Variants in ACSM3 observed in about 807,000 individuals in gnomAD.
The protein encoded by ACSM3 is acyl-coenzyme A synthetase ACSM3, mitochondrial.
ACSM3 carries 61 observed loss-of-function variants against 74.1 expected under a neutral mutation model. That is an observed-to-expected ratio of 0.82 (90% CI 0.67 to 1.02). ACSM3 has a LOEUF of 1.02. Ranked by LOEUF, ACSM3 falls within the 50% of genes least tolerant of loss-of-function variation. ACSM3 has a pLI of 0.00. For missense variants in ACSM3, 660 were observed against 697.0 expected, an observed-to-expected ratio of 0.95 and a Z score of 0.60; for synonymous variants, 213 against 241.5, an observed-to-expected ratio of 0.88 and a Z score of 1.09.
chr16:20,722,263 T>C (rs1009334799), intron 1 of ACSM3: 51 of 152,220 alleles, frequency 3.4e-4, no homozygotes, highest in African/African-American at 1.2e-3. Flanking sequence ...GCTGTTGTGA[T>C]AGTGGAAGAA....
chr16:20,741,688 C>T (rs1470755438), intron 1 of ACSM3: 2 of 1,581,516 alleles, frequency 1.3e-6, no homozygotes, highest in Admixed American at 1.8e-5. Context: ...TGAGCCTTGC[C>T]TTTGCGCTTC....
At chr16:20,705,374 GAA>G (rs35941652) in intron 1 of ACSM3, among the ~76,000 whole-genome samples, 3 of 123,912 alleles carry the variant, frequency 2.4e-5, no homozygotes, top group Admixed American at 8.1e-5. Context: ...CTCCGTCTCA[GAA>G]AAAAAAAAAA....
At chr16:20,687,324 G>C (rs953363760) in intron 1 of ACSM3, among the ~76,000 whole-genome samples, 1 of 152,238 alleles carries the variant, frequency 6.6e-6, no homozygotes, top group South Asian at 2.1e-4. Context: ...GCAAGGAAGA[G>C]ACTTTTAGGG....
intron 1 of ACSM3, among the ~76,000 whole-genome samples, chr16:20,699,041 A>C (rs2079705149): frequency 6.6e-6 from 1 of 152,170 alleles, no homozygotes; most frequent in African/African-American, 2.4e-5. Flanking sequence ...TCTTGAGCTT[A>C]ATTAAGTCCA....
chr16:20,674,420 T>C (rs1742482204), upstream of ACSM3: 2 of 198,744 alleles, frequency 1.0e-5, no homozygotes, highest in African/African-American at 2.4e-5. Flanking sequence ...TTCTGTAATA[T>C]GCTTCCCCCT....
upstream of ACSM3, among the ~76,000 whole-genome samples, chr16:20,759,654 G>C (rs2080060816): frequency 6.6e-6 from 1 of 151,824 alleles, no homozygotes; most frequent in South Asian, 2.1e-4. Flanking sequence ...GTGAGGACAT[G>C]GAAGCTCTGT....
chr16:20,743,138 C>G (rs1012626154), intron 1 of ACSM3, among the ~76,000 whole-genome samples: 3 of 151,942 alleles, frequency 2.0e-5, no homozygotes, highest in Non-Finnish European at 4.4e-5. Flanking sequence ...CGGGGTTTTA[C>G]CGTGTCAGTC....
chr16:20,785,802 C>G (rs988656435), intron 8 of ACSM3, among the ~76,000 whole-genome samples: 7 of 152,088 alleles, frequency 4.6e-5, no homozygotes, highest in African/African-American at 1.4e-4. Flanking sequence ...AATTCATTAA[C>G]TAGAAATAGC....
At chr16:20,728,154 C>T in intron 1 of ACSM3, 3 of 282,310 alleles carry the variant, frequency 1.1e-5, no homozygotes, top group Non-Finnish European at 2.2e-5. Flanking sequence ...AAAGTTTGTC[C>T]TCTCAATGGG....
rs58558409 is a variant in ACSM3 at position 20,779,771 on chromosome 16, CTTTT to C, written c.639-928_639-925del. On this transcript the variant is annotated intron_variant, in intron 4 of 13. Coordinates refer to ENST00000289416, the MANE Select transcript of ACSM3 (RefSeq NM_005622.4). Reference sequence around the variant, plus strand: ...AAGCCAACCTTTCACGGTCAGCAAACTTTTTTTTTTTTTTTTTTGAGACAGAGTC... The same window carrying C: ...AAGCCAACCTTTCACGGTCAGCAAACTTTTTTTTTTTTTTGAGACAGAGTC... 3.6e-4 allele frequency: 51 copies of C among 141,636 alleles called. No homozygotes were observed. In the South Asian group the frequency reaches 3.8e-3, roughly 11 times the overall value. 8.8% of individuals were successfully genotyped at this position (141,636 alleles called of 1,614,324 possible). A position where few individuals can be genotyped will look rare whatever the true frequency, so the allele number is the denominator to read the frequency against.
intron 1 of ACSM3, among the ~76,000 whole-genome samples, chr16:20,708,695 C>T (rs969382562): frequency 3.3e-5 from 5 of 152,098 alleles, no homozygotes; most frequent in African/African-American, 9.7e-5. Flanking sequence ...TATTATTCAG[C>T]GTGATCTATG....
intron 7 of ACSM3, among the ~76,000 whole-genome samples, chr16:20,782,021 A>T (rs1407208734): frequency 6.6e-6 from 1 of 152,170 alleles, no homozygotes. Context: ...TTATAGCTCT[A>T]AGCCCAGTGG....
chr16:20,773,633 T>C (rs1312566619), intron 2 of ACSM3, among the ~76,000 whole-genome samples: 1 of 152,178 alleles, frequency 6.6e-6, no homozygotes, highest in East Asian at 1.9e-4. Flanking sequence ...TTCAGGAGCA[T>C]GTTGTTTAAT....
chr16:20,691,200 C>A, intron 1 of ACSM3: 2 of 1,550,666 alleles, frequency 1.3e-6, no homozygotes, highest in South Asian at 2.5e-5. Context: ...GTGAAACAGT[C>A]CTCAGAAACC....
intron 7 of ACSM3, among the ~76,000 whole-genome samples, chr16:20,782,514 G>T (rs951941502): frequency 2.6e-5 from 4 of 152,106 alleles, no homozygotes; most frequent in African/African-American, 9.7e-5. Context: ...AATACTCTGG[G>T]TCTCCAGATG....
intron 1 of ACSM3, among the ~76,000 whole-genome samples, chr16:20,708,946 G>T (rs1167603128): frequency 6.6e-6 from 1 of 152,212 alleles, no homozygotes; most frequent in African/African-American, 2.4e-5. Context: ...CAATGCAATA[G>T]AATAGAGCCC....
intron 12 of ACSM3, among the ~76,000 whole-genome samples, chr16:20,793,421 A>G (rs1170268403): frequency 6.6e-6 from 1 of 152,224 alleles, no homozygotes; most frequent in African/African-American, 2.4e-5. Flanking sequence ...GTGAGCCAAG[A>G]TCGTGCCACT....
intron 1 of ACSM3, among the ~76,000 whole-genome samples, chr16:20,742,813 A>ATATT (rs61582869): frequency 3.0e-5 from 2 of 66,830 alleles, no homozygotes; most frequent in South Asian, 4.5e-4. Flanking sequence ...ATATATATAT[A>ATATT]TTTTTTTTTT....
At chr16:20,682,161 A>C (rs1194009127) in intron 1 of ACSM3, 7 of 1,235,184 alleles carry the variant, frequency 5.7e-6, no homozygotes, top group Non-Finnish European at 8.0e-6. Context: ...CTAAATAATA[A>C]ATACATCCTC....
Sources: allele counts gnomAD v4.1 joint callset (sites outside exome capture counted in the v4.1 genomes callset), GRCh38; gene constraint gnomAD v4.1.1; transcripts MANE v1.5; gene names NCBI Gene and HGNC (gene_info 2026-07-23, HGNC 2026-07-21).